The following ANLN variants were observed in gnomAD, a reference collection of about 807,000 sequenced individuals.
The protein encoded by ANLN is anillin, actin binding protein.
ANLN carries 59 observed loss-of-function variants against 135.1 expected under a neutral mutation model. The ratio of observed to expected loss-of-function variants is 0.44; its 90% CI spans 0.35 to 0.54. ANLN has a LOEUF of 0.54. Ranked by LOEUF, ANLN falls within the 20% of genes least tolerant of loss-of-function variation. The pLI, the probability that ANLN is intolerant of heterozygous loss-of-function variation, is 0.00. For synonymous variants in ANLN, 406 were observed against 456.4 expected (o/e 0.89, Z 1.41); for missense variants, 1,182 against 1,340.0 (o/e 0.88, Z 1.84).
intron 4 of ANLN, among the ~76,000 whole-genome samples, chr7:36,407,443 T>A (rs183955362): frequency 4.5e-4 from 68 of 152,270 alleles, no homozygotes; most frequent in African/African-American, 1.5e-3. Flanking sequence ...TGCAATAATA[T>A]GAATAAAACT....
Position 36,425,961 on chromosome 7 carries a change from T to C in ANLN, c.2749-54T>C, listed in dbSNP as rs6957214. 733,010 of 1,386,346 alleles carry C rather than the reference T, an allele frequency of 0.53. 195,901 individuals are homozygous for C. Among genetic ancestry groups the C allele is most frequent in the East Asian group, 0.64 (27,311 of 42,506 alleles). The allele number at this position is 1,386,346 out of a possible 1,614,324, so 85.9% of individuals were successfully genotyped here. A position where few individuals can be genotyped will look rare whatever the true frequency, so the allele number is the denominator to read the frequency against. On this transcript the variant is annotated intron_variant, in intron 18 of 23. Coordinates refer to ENST00000265748, the MANE Select transcript of ANLN (RefSeq NM_018685.5). ...GTGATTCATATTTAAATCTTTGTATTAAATAAGGGAAATAACTTATGTTTC... is the reference window on the plus strand; with the variant it reads ...GTGATTCATATTTAAATCTTTGTATCAAATAAGGGAAATAACTTATGTTTC...
chr7:36,431,561 T>TTGTGTGTGTGTGTGTG (rs1186662720), intron 20 of ANLN, among the ~76,000 whole-genome samples: 19 of 76,038 alleles, frequency 2.5e-4, no homozygotes, highest in Admixed American at 3.7e-4. Context: ...ATGTGTGTGT[T>TTGTGTGTGTGTGTGTG]TGTGTGTGTG....
chr7:36,395,458 T>C (rs1447490782), intron 1 of ANLN, among the ~76,000 whole-genome samples: 2 of 152,186 alleles, frequency 1.3e-5, no homozygotes, highest in Non-Finnish European at 2.9e-5. Context: ...ATAAGGACCT[T>C]TGTGATTATG....
intron 14 of ANLN, 48 bp downstream of exon 14, chr7:36,422,857 C>G: frequency 6.6e-7 from 1 of 1,520,828 alleles, no homozygotes; most frequent in South Asian, 1.3e-5. Flanking sequence ...TGAACCTCAC[C>G]TAGATTGAAT....
At chr7:36,431,600 TATATATATATATATATA>T (rs747584425) in intron 20 of ANLN, among the ~76,000 whole-genome samples, 2,295 of 33,016 alleles carry the variant, frequency 0.07, 51 homozygotes, top group Non-Finnish European at 0.084. Flanking sequence ...TGTGTGTGTA[TATATATATATATATATA>T]ATATATATAT....
rs149964795 is a variant in ANLN at position 36,421,826 on chromosome 7, A to G, written c.2164-31A>G. 4.7e-4 allele frequency: 730 copies of G among 1,563,466 alleles called. 3 individuals are homozygous for G. The East Asian group carries it at 7.5e-3, about 16-fold the overall frequency. On this transcript the variant is annotated intron_variant, in intron 12 of 23. Coordinates refer to ENST00000265748, the MANE Select transcript of ANLN (RefSeq NM_018685.5). ...GTGAAAATGATGATTTAAAATGTGT[A>G]TATTTTTTCTCCTCTCATTGGTTTT...
Position 36,401,704 on chromosome 7 carries a change from G to T in ANLN, c.487+2311G>T, listed in dbSNP as rs758786755. On this transcript the variant is annotated intron_variant, in intron 3 of 23. Coordinates refer to ENST00000265748, the MANE Select transcript of ANLN (RefSeq NM_018685.5). The stretch of plus-strand genomic sequence containing the variant: ...ATTAATACCTATTTATTTTAGCAGT[G>T]GTGAGGTAAGAGGTAGGACTCGACT... 2.3e-4 allele frequency among the ~76,000 whole-genome samples: 28 copies of T among 119,620 alleles called. 9 individuals are homozygous for T. The highest frequency in any genetic ancestry group is 4.4e-4 in the Non-Finnish European group (24 of 54,740). 78.5% of individuals were successfully genotyped at this position (119,620 alleles called of 152,430 possible).
chr7:36,440,804 T>G, intron 21 of ANLN, among the ~76,000 whole-genome samples: 1 of 152,184 alleles, frequency 6.6e-6, no homozygotes, highest in Admixed American at 6.5e-5. Flanking sequence ...AGTATGTGTG[T>G]AGAATGCATA....
intron 9 of ANLN, among the ~76,000 whole-genome samples, chr7:36,418,754 C>CTT (rs71553066): frequency 0.078 from 11,200 of 143,742 alleles, 532 homozygotes; most frequent in Non-Finnish European, 0.11. Context: ...TTTCTTTTTT[C>CTT]TTTTTTTTTT....
chr7:36,427,046 C>A lies in ANLN; in HGVS notation c.2883+18C>A, dbSNP rs3815484. 180,229 of 1,512,408 alleles carry A rather than the reference C, an allele frequency of 0.12. 11,895 individuals are homozygous for A. The highest frequency in any genetic ancestry group is 0.24 in the East Asian group (10,590 of 44,116). The allele number at this position is 1,512,408 out of a possible 1,614,324, so 93.7% of individuals were successfully genotyped here. ...TGGACAAGGTAATCCAACTTTATTT[C>A]TAAGGGTGTGGTGTTTTTTTTTTAA... On this transcript the variant is annotated intron_variant, in intron 20 of 23. Transcript: ENST00000265748.
chr7:36,393,179 A>AT (rs1786554924), intron 1 of ANLN, among the ~76,000 whole-genome samples: 1 of 152,050 alleles, frequency 6.6e-6, no homozygotes, highest in Non-Finnish European at 1.5e-5. Flanking sequence ...ATGCACCACC[A>AT]TAACTGGCTA....
intron 3 of ANLN, 136 bp downstream of exon 3, chr7:36,399,529 C>T: frequency 1.2e-6 from 1 of 816,906 alleles, no homozygotes; most frequent in South Asian, 2.0e-5. Context: ...CCTTTGCTTG[C>T]ATATGGTTTG....
At chr7:36,422,974 T>C (rs959098644) in intron 14 of ANLN, among the ~76,000 whole-genome samples, 165 bp downstream of exon 14, 3 of 151,490 alleles carry the variant, frequency 2.0e-5, no homozygotes, top group African/African-American at 7.3e-5. Flanking sequence ...ACTTCAGATA[T>C]ATATAGGGAT....
At chr7:36,418,158 C>T (rs902675747) in intron 9 of ANLN, among the ~76,000 whole-genome samples, 1 of 152,214 alleles carries the variant, frequency 6.6e-6, no homozygotes, top group Non-Finnish European at 1.5e-5. Context: ...TGGGGCGCCA[C>T]CCTCCAGGAA....
chr7:36,422,792 G>T lies in ANLN; in HGVS notation c.2459G>T (p.Ser820Ile), dbSNP rs141759962. 1.9e-6 allele frequency: 3 copies of T among 1,604,798 alleles called. No individual in the cohort carries two copies. Among genetic ancestry groups the T allele is most frequent in the Non-Finnish European group, 2.5e-6 (3 of 1,177,480 alleles). The change falls in exon 14 of 24, where the codon AGT (serine) becomes ATT (isoleucine). Residue 820 changes from serine to isoleucine, a missense_variant. This residue lies in a region of ANLN where 1,022 missense variants were observed against 1,134.0 expected (regional missense o/e 0.90). Transcript: ENST00000265748. ...RLPLKADFVCSTVQKPDAANY... is the reference protein window; with the variant it reads ...RLPLKADFVCITVQKPDAANY... ...CCTCTAAAAGCAGATTTTGTCTGCA[G>T]TACGGTTCAGAAACCAGGTATGGTG...
At chr7:36,437,370 T>C (rs1045825911) in intron 20 of ANLN, among the ~76,000 whole-genome samples, 11 of 152,024 alleles carry the variant, frequency 7.2e-5, no homozygotes, top group Non-Finnish European at 1.5e-4. Context: ...CAGGATCTCC[T>C]TTTTCTATGC....
intron 20 of ANLN, among the ~76,000 whole-genome samples, chr7:36,437,408 C>A (rs1788588523): frequency 6.6e-6 from 1 of 152,118 alleles, no homozygotes; most frequent in African/African-American, 2.4e-5. Context: ...TATGTATGTA[C>A]CGCATTTTTT....
chr7:36,422,466 A>T (rs139756946), intron 13 of ANLN, among the ~76,000 whole-genome samples, 167 bp from the exon 14 acceptor site: 175 of 152,310 alleles, frequency 1.1e-3, no homozygotes, highest in Admixed American at 2.3e-3. Flanking sequence ...TTGGTAAATG[A>T]GCAACCAAGG....
At chr7:36,452,304 GT>G (rs1789278602) in intron 23 of ANLN, among the ~76,000 whole-genome samples, 172 bp from the exon 24 acceptor site, 1 of 152,196 alleles carries the variant, frequency 6.6e-6, no homozygotes, top group South Asian at 2.1e-4. Flanking sequence ...ATTTTCCTCT[GT>G]TTTATTTGGA....
Sources: gnomAD v4.1 joint callset for allele counts (sites outside exome capture counted in the v4.1 genomes callset) on GRCh38, gnomAD v4.1.1 for gene constraint, gnomAD v4.1.1 regional missense constraint, MANE v1.5 for transcripts, NCBI Gene and HGNC (gene_info 2026-07-23, HGNC 2026-07-21) for gene names.